The following ATXN2 variants were observed in gnomAD, a reference collection of about 807,000 sequenced individuals.
ATXN2 encodes ataxin 2.
ATXN2 carries 37 observed loss-of-function variants against 138.6 expected under a neutral mutation model. That is an observed-to-expected ratio of 0.27 (90% CI 0.21 to 0.35). The LOEUF (loss-of-function observed/expected upper bound fraction) is 0.35, where lower values mean the gene tolerates loss of function less well. ATXN2 is among the 10% of genes least tolerant of loss of function. The pLI is 1.00. For missense variants in ATXN2, 1,216 were observed against 1,480.3 expected (o/e 0.82, Z 2.93); for synonymous variants, 549 against 543.7 (o/e 1.01, Z -0.13).
At chr12:111,567,719 CAA>C (rs931848975) in intron 1 of ATXN2, among the ~76,000 whole-genome samples, 7 of 151,724 alleles carry the variant, frequency 4.6e-5, no homozygotes, top group Non-Finnish European at 4.4e-5. Flanking sequence ...GAGGCTGACA[CAA>C]GAGAATCGCT....
chr12:111,551,311 A>T (rs1167128207), intron 5 of ATXN2, among the ~76,000 whole-genome samples: 1 of 151,984 alleles, frequency 6.6e-6, no homozygotes, highest in Non-Finnish European at 1.5e-5. Flanking sequence ...AAAAAAAAAA[A>T]AGAATTTGAG....
chr12:111,508,154 AT>A (rs1879287157), intron 14 of ATXN2, among the ~76,000 whole-genome samples: 1 of 145,660 alleles, frequency 6.9e-6, no homozygotes, highest in African/African-American at 2.8e-5. Context: ...AGAATGATCA[AT>A]TAAAAAAAAA....
intron 5 of ATXN2, among the ~76,000 whole-genome samples, chr12:111,551,607 T>C (rs112998070): frequency 1.3e-5 from 2 of 152,334 alleles, no homozygotes; most frequent in African/African-American, 4.8e-5. Flanking sequence ...GCCTTATACT[T>C]TGATTTCTTT....
chr12:111,559,667 G>A (rs915303201), intron 1 of ATXN2, among the ~76,000 whole-genome samples: 4 of 151,244 alleles, frequency 2.6e-5, no homozygotes, highest in African/African-American at 4.9e-5. Flanking sequence ...AGATATTTGG[G>A]GAGGCTGAGA....
intron 1 of ATXN2, among the ~76,000 whole-genome samples, chr12:111,575,650 G>A (rs572096653): frequency 6.6e-6 from 1 of 152,076 alleles, no homozygotes; most frequent in East Asian, 1.9e-4. Context: ...GACCTCATCT[G>A]GCTTATTCAC....
At chr12:111,544,597 G>A (rs1566055149) in intron 5 of ATXN2, among the ~76,000 whole-genome samples, 1 of 152,192 alleles carries the variant, frequency 6.6e-6, no homozygotes, top group Non-Finnish European at 1.5e-5. Context: ...GTAGCTGGCA[G>A]TGTGTGTCAT....
intron 1 of ATXN2, among the ~76,000 whole-genome samples, chr12:111,592,610 C>T (rs1884724970): frequency 6.6e-6 from 1 of 151,334 alleles, no homozygotes; most frequent in African/African-American, 2.4e-5. Context: ...TGGTGAAACC[C>T]TGTCTCTACT....
intron 10 of ATXN2, among the ~76,000 whole-genome samples, chr12:111,515,564 T>C (rs556149902): frequency 2.0e-5 from 3 of 152,324 alleles, no homozygotes; most frequent in Admixed American, 1.3e-4. Flanking sequence ...CAAGGACTTC[T>C]TCCAGATTAA....
chr12:111,519,774 A>C, intron 8 of ATXN2, 105 bp downstream of exon 8: 2 of 1,557,934 alleles, frequency 1.3e-6, no homozygotes, highest in Non-Finnish European at 1.7e-6. Context: ...TGCATTCTCT[A>C]CCTAAGCTAT....
At position 111,552,479 on chromosome 12, in the gene ATXN2, T is replaced by A; in HGVS notation, c.421-49A>T. ...TACTCCAAACCTTTACAAAATAAAA[T>A]TTGTTAGGAATTCTTTAGCTCATCA... On this transcript the variant is annotated intron_variant, in intron 4 of 24. Transcript: ENST00000673436. This position sits in a 1 kb window ranked among gnomAD's most constrained non-coding sequence, Gnocchi z 4.1. 6.4e-7 allele frequency: 1 copy of A among 1,551,808 alleles called. No homozygotes were observed. The highest frequency in any genetic ancestry group is 1.4e-5 in the African/African-American group (1 of 71,368).
chr12:111,498,109 T>C (rs1039836387), intron 14 of ATXN2, among the ~76,000 whole-genome samples: 6 of 152,078 alleles, frequency 3.9e-5, no homozygotes, highest in African/African-American at 1.4e-4. Flanking sequence ...CCATAACTAG[T>C]ACCATACTGA....
In ATXN2 at chr12:111,520,972, G is replaced by C; in HGVS notation, c.698C>G (p.Ser233Cys). The change falls in exon 7 of 25, where the codon TCT (serine) becomes TGT (cysteine). Residue 233 changes from serine to cysteine, a missense_variant and splice_region_variant. By Grantham distance (112) the Ser-to-Cys change is moderately radical. Around this residue, in one of 4 missense-constraint regions of ATXN2, gnomAD observed 401 missense variants for 528.1 expected, o/e 0.76. Coordinates refer to ENST00000673436, the MANE Select transcript of ATXN2 (RefSeq NM_001372574.1). ...CATATCATTGGGATCCCATCCATTA[G>C]ACTAGAAGAAAATGAAGCTTGTTTT... Reference protein sequence around the residue: ...EELEALENDVSNGWDPNDMFR... With the variant: ...EELEALENDVCNGWDPNDMFR... 1 of 1,557,948 alleles carries C rather than the reference G, an allele frequency of 6.4e-7. No homozygotes were observed. Among genetic ancestry groups the C allele is most frequent in the Non-Finnish European group, 8.8e-7 (1 of 1,139,628 alleles).
Position 111,598,845 on chromosome 12 carries a change from C to G in ATXN2, c.190G>C (p.Ala64Pro). The G allele has an allele frequency of 6.8e-7, 1 of 1,472,470 alleles. No individual in the cohort carries two copies. The highest frequency in any genetic ancestry group is 8.9e-7 in the Non-Finnish European group (1 of 1,117,944). The allele number at this position is 1,472,470 out of a possible 1,614,324, so 91.2% of individuals were successfully genotyped here. A position where few individuals can be genotyped will look rare whatever the true frequency, so the allele number is the denominator to read the frequency against. ...GCGACCACCGAGGAGGGAGCCGTGG[C>G]CGAGGACGAGGAGACCGAGGACGAG... ...PSSSSVSSSS[A>P]TAPSSVVAAT... Residue 64 changes from alanine (A) to proline (P), a missense_variant, in exon 1 of 25, where the codon GCC becomes CCC. By Grantham distance (27) the Ala-to-Pro change is conservative. Transcript: ENST00000673436. The surrounding 1 kb of genome is among the most constrained non-coding windows in gnomAD (Gnocchi z 4.5).
intron 3 of ATXN2, among the ~76,000 whole-genome samples, chr12:111,553,604 A>AATTTTTTTTTTTTTT (rs1882237738): frequency 2.4e-5 from 2 of 85,004 alleles, no homozygotes; most frequent in African/African-American, 7.6e-5. Context: ...AAAAAAAAAA[A>AATTTTTTTTTTTTTT]TTTTTTTTTT....
At chr12:111,509,286 C>T (rs911827852) in intron 14 of ATXN2, among the ~76,000 whole-genome samples, 1 of 152,048 alleles carries the variant, frequency 6.6e-6, no homozygotes, top group African/African-American at 2.4e-5. Flanking sequence ...TACAAATGAC[C>T]ATCAAATAGT....
chr12:111,538,986 G>T lies in ATXN2; in HGVS notation c.571+13294C>A, dbSNP rs918929288. 4.7e-4 allele frequency among the ~76,000 whole-genome samples: 71 copies of T among 150,042 alleles called. 1 individual carries two copies. Among genetic ancestry groups the T allele is most frequent in the African/African-American group, 1.6e-3 (68 of 41,250 alleles). On this transcript the variant is annotated intron_variant, in intron 5 of 24. Coordinates refer to ENST00000673436, the MANE Select transcript of ATXN2 (RefSeq NM_001372574.1). ...AAACAAGGTGACAGATTCCACGTACGTAATACTAGATTGCTGATTCCCACA... is the reference window on the plus strand; with the variant it reads ...AAACAAGGTGACAGATTCCACGTACTTAATACTAGATTGCTGATTCCCACA...
chr12:111,513,672 GA>G (rs990372971), intron 10 of ATXN2, 133 bp from the exon 11 acceptor site: 9,146 of 454,870 alleles, frequency 0.02, no homozygotes, highest in East Asian at 0.027. Context: ...GTTAAAAATA[GA>G]AAAAAAAAAA....
intron 18 of ATXN2, among the ~76,000 whole-genome samples, chr12:111,479,452 C>T (rs968170839): frequency 2.0e-5 from 3 of 148,008 alleles, no homozygotes; most frequent in Admixed American, 6.8e-5. Context: ...TGTGGTGGCA[C>T]GTGCCTGTAA....
intron 14 of ATXN2, among the ~76,000 whole-genome samples, chr12:111,496,173 CAAAT>C (rs530995157): frequency 1.2e-4 from 18 of 151,760 alleles, no homozygotes; most frequent in African/African-American, 2.4e-4. Flanking sequence ...AACAAACAAA[CAAAT>C]AAATAAATAA....
Sources: gnomAD v4.1 joint callset for allele counts (sites outside exome capture counted in the v4.1 genomes callset) on GRCh38, gnomAD v4.1.1 for gene constraint, gnomAD v4.1.1 regional missense constraint, Gnocchi (gnomAD v3.1) non-coding constraint, MANE v1.5 for transcripts, NCBI Gene and HGNC (gene_info 2026-07-23, HGNC 2026-07-21) for gene names.